RNF10: variants seen among roughly 807,000 people sequenced by gnomAD.
RNF10 encodes E3 ubiquitin-protein ligase RNF10.
In RNF10, 38 loss-of-function variants were observed where a neutral mutation model predicts 91.4. The ratio of observed to expected loss-of-function variants is 0.42; its 90% CI spans 0.32 to 0.54. The LOEUF is 0.54. RNF10 is among the 20% of genes least tolerant of loss of function. RNF10 has a pLI of 0.16. For missense variants in RNF10, 945 were observed against 1,012.0 expected (o/e 0.93, Z 0.90); for synonymous variants, 364 against 366.3 (o/e 0.99, Z 0.07).
chr12:120,541,769 T>G (rs536784024), intron 1 of RNF10, among the ~76,000 whole-genome samples: 1 of 150,738 alleles, frequency 6.6e-6, no homozygotes, highest in Non-Finnish European at 1.5e-5. Flanking sequence ...GCTCTGTCAC[T>G]TAGGCTGGCA....
chr12:120,567,822 ACACCAC>A (rs538700922), intron 13 of RNF10, among the ~76,000 whole-genome samples: 1 of 152,084 alleles, frequency 6.6e-6, no homozygotes, highest in African/African-American at 2.4e-5. Flanking sequence ...TTTTAAAAAA[ACACCAC>A]CACCACCACA....
chr12:120,544,356 C>CA (rs35169785), intron 1 of RNF10, among the ~76,000 whole-genome samples: 63,172 of 114,932 alleles, frequency 0.55, 15,038 homozygotes, highest in East Asian at 0.69. Context: ...CCCAACTCTA[C>CA]AAAAAAAAAA....
At chr12:120,543,363 G>A (rs1871842667) in intron 1 of RNF10, among the ~76,000 whole-genome samples, 1 of 152,104 alleles carries the variant, frequency 6.6e-6, no homozygotes, top group Non-Finnish European at 1.5e-5. Context: ...GATAAAAGTG[G>A]GGCCAGACCC....
chr12:120,573,510 CAT>C, intron 14 of RNF10, among the ~76,000 whole-genome samples: 1 of 151,656 alleles, frequency 6.6e-6, no homozygotes, highest in East Asian at 1.9e-4. Context: ...AAACAATTCA[CAT>C]GTCAAACTAT....
rs1231290646 is a variant in RNF10, at chr12:120,539,351, CTCTT to C, written c.157+4384_157+4387del. 6 of 1,224,890 alleles carry C rather than the reference CTCTT, an allele frequency of 4.9e-6. No individual in the cohort carries two copies. In the East Asian group the frequency reaches 1.7e-4, roughly 34 times the overall value. The allele number at this position is 1,224,890 out of a possible 1,614,324, so 75.9% of individuals were successfully genotyped here. On this transcript the variant is annotated intron_variant, in intron 1 of 16. Coordinates refer to ENST00000325954, the MANE Select transcript of RNF10 (RefSeq NM_014868.5). ...GTGCATCATTCCTGATACCACCTCT[CTCTT>C]CCTTTCATTCAGAATTACTAATTTC...
chr12:120,567,123 A>T (rs1414418722), intron 13 of RNF10, 143 bp downstream of exon 13: 1 of 726,894 alleles, frequency 1.4e-6, no homozygotes, highest in East Asian at 3.1e-5. Context: ...AGGTACATCA[A>T]ATTCTTTTAT....
At chr12:120,563,236 C>T (rs972705263) in intron 8 of RNF10, 111 bp from the exon 9 acceptor site, 119 of 1,476,832 alleles carry the variant, frequency 8.1e-5, no homozygotes, top group Non-Finnish European at 1.0e-4. Context: ...TCAGTGAACA[C>T]GACAGCTAAG....
chr12:120,565,024 CAG>C, intron 10 of RNF10, 46 bp from the exon 11 acceptor site: 6 of 1,317,800 alleles, frequency 4.6e-6, no homozygotes, highest in Non-Finnish European at 6.6e-6. Context: ...CCCCTGCTTT[CAG>C]AGTTAGGCTT....
At position 120,563,629 on chromosome 12, in the gene RNF10, G is replaced by A. The variant is rs1178369636; in HGVS notation, c.1531+6G>A. The A allele has an allele frequency of 6.3e-7, 1 of 1,587,970 alleles. No homozygotes were observed. Among genetic ancestry groups the A allele is most frequent in the East Asian group, 2.2e-5 (1 of 44,684 alleles). On this transcript the variant is annotated splice_donor_region_variant and intron_variant, in intron 9 of 16. Coordinates refer to ENST00000325954, the MANE Select transcript of RNF10 (RefSeq NM_014868.5). ...TTGTTACTACTTTTACCAAGGTGAG[G>A]GTGCCGGAAGAGAGGGCTGGGTTGC...
chr12:120,555,480 C>T (rs987584221), intron 4 of RNF10, among the ~76,000 whole-genome samples: 4 of 149,140 alleles, frequency 2.7e-5, no homozygotes, highest in Non-Finnish European at 5.9e-5. Flanking sequence ...CTCTATCTGG[C>T]CCAGTTGTAC....
At chr12:120,549,922 G>A (rs1469841159) in intron 2 of RNF10, among the ~76,000 whole-genome samples, 1 of 152,170 alleles carries the variant, frequency 6.6e-6, no homozygotes, top group Non-Finnish European at 1.5e-5. Context: ...AATTGTTGGA[G>A]TCAGGACTAA....
chr12:120,566,843 C>T lies in RNF10; in HGVS notation c.1904C>T (p.Pro635Leu). The T allele has an allele frequency of 1.2e-6, 2 of 1,613,702 alleles. No homozygotes were observed. The highest frequency in any genetic ancestry group is 1.7e-6 in the Non-Finnish European group (2 of 1,179,840). ...KQGKYPEVHI[P>L]LENLQQFPAF... Reference sequence around the variant, plus strand: ...TTTGCAGACCCAGAAGTCCACATTCCCCTCGAGAATCTACAGCAGTTTCCT... The same window carrying T: ...TTTGCAGACCCAGAAGTCCACATTCTCCTCGAGAATCTACAGCAGTTTCCT... Residue 635 changes from proline (P) to leucine (L), a missense_variant, in exon 13 of 17, where the codon CCC becomes CTC. Transcript: ENST00000325954.
chr12:120,568,479 C>CT (rs200277775), intron 13 of RNF10, among the ~76,000 whole-genome samples: 38,240 of 144,428 alleles, frequency 0.26, 5,992 homozygotes, highest in Admixed American at 0.38. Flanking sequence ...TTATTAATTT[C>CT]TTTTTTTTTT....
Position 120,575,282 on chromosome 12 carries a change from G to A in RNF10, c.2143-349G>A, listed in dbSNP as rs561223738. On this transcript the variant is annotated intron_variant, in intron 14 of 16. Transcript: ENST00000325954. The stretch of plus-strand genomic sequence containing the variant: ...TACTCACTGCTTCCTCCGACAGCTC[G>A]ATGTTTTTAGGGGTCCCAGGAAGGG... The A allele has an allele frequency of 7.9e-5, 21 of 265,916 alleles. No homozygotes were observed. In the Admixed American group the frequency reaches 7.9e-4, roughly 10 times the overall value. 16.5% of individuals were successfully genotyped at this position (265,916 alleles called of 1,614,324 possible). A position where few individuals can be genotyped will look rare whatever the true frequency, so the allele number is the denominator to read the frequency against.
In RNF10 at chr12:120,563,818, G is replaced by A; in HGVS notation, c.1540G>A (p.Gly514Arg). 6.2e-7 allele frequency: 1 copy of A among 1,614,082 alleles called. No individual in the cohort carries two copies. Among genetic ancestry groups the A allele is most frequent in the Non-Finnish European group, 8.5e-7 (1 of 1,179,992 alleles). ...PCYYFYQAED[G>R]QHMFLHPVNV... ...GAGCCCCTTGTCCTCAGCGGAAGAT[G>A]GACAGCATATGTTCCTGCACCCTGT... The change falls in exon 10 of 17, where the codon GGA becomes AGA. Residue 514 changes from glycine (G) to arginine (R), a missense_variant. Transcript: ENST00000325954.
At chr12:120,557,147 AAGAT>A in intron 4 of RNF10, 131 bp from the exon 5 acceptor site, 1 of 751,252 alleles carries the variant, frequency 1.3e-6, no homozygotes, top group Middle Eastern at 2.4e-4. Flanking sequence ...CAATTTTAGA[AAGAT>A]ATGTTGAGTA....
At chr12:120,555,653 A>C (rs78091129) in intron 4 of RNF10, among the ~76,000 whole-genome samples, 1 of 150,598 alleles carries the variant, frequency 6.6e-6, no homozygotes, top group African/African-American at 2.5e-5. Context: ...ACTCCCAGCT[A>C]ATTTTTTTTT....
chr12:120,563,132 G>A, intron 8 of RNF10, 62 bp downstream of exon 8: 1 of 1,607,942 alleles, frequency 6.2e-7, no homozygotes, highest in Non-Finnish European at 8.5e-7. Flanking sequence ...GAGCTGGTAG[G>A]CATTACTGTG....
chr12:120,571,544 GACTC>G (rs1876627668), intron 14 of RNF10, among the ~76,000 whole-genome samples: 1 of 152,164 alleles, frequency 6.6e-6, no homozygotes, highest in Admixed American at 6.5e-5. Context: ...ATGTTGCACT[GACTC>G]TAATAATCAT....
Sources: gnomAD v4.1 joint callset for allele counts (sites outside exome capture counted in the v4.1 genomes callset) on GRCh38, gnomAD v4.1.1 for gene constraint, MANE v1.5 for transcripts, NCBI Gene and HGNC (gene_info 2026-07-23, HGNC 2026-07-21) for gene names.